KAZN: variants seen among roughly 807,000 people sequenced by gnomAD.
KAZN encodes kazrin.
Under a neutral mutation model 87.4 loss-of-function variants are expected in KAZN, and 40 were observed. The ratio of observed to expected loss-of-function variants is 0.46; its 90% confidence interval spans 0.36 to 0.60. The LOEUF is 0.60. Among genes scored for constraint, KAZN ranks in the 20% least tolerant of loss-of-function variants. The pLI is 0.00. For missense variants in KAZN, 898 were observed against 1,073.9 expected, an observed-to-expected ratio of 0.84 and a Z score of 2.29; for synonymous variants, 466 against 458.3, an observed-to-expected ratio of 1.02 and a Z score of -0.22.
chr1:14,672,957 T>G (rs1235484424), intron 1 of KAZN, among the ~76,000 whole-genome samples: 1 of 152,224 alleles, frequency 6.6e-6, no homozygotes, highest in Non-Finnish European at 1.5e-5. Flanking sequence ...GCCTGATCGT[T>G]GGATCCCAGG....
At position 14,742,505 on chromosome 1, in the gene KAZN, G is replaced by GA. The variant is rs565002342; in HGVS notation, c.226+143291dup. ...TGAATGAATGAAGGAATGAGCGAAT[G>GA]AAAAAAAAACCAATGAGTCAGTTCA... On this transcript the variant is annotated intron_variant, in intron 1 of 14. Transcript: ENST00000376030. Among the ~76,000 whole-genome samples the GA allele has an allele frequency of 1.1e-3, 168 of 150,756 alleles. 1 individual carries two copies. Among genetic ancestry groups the GA allele is most frequent in the Admixed American group, 4.1e-3 (63 of 15,182 alleles).
chr1:15,032,315 C>T (rs999715413), intron 2 of KAZN, among the ~76,000 whole-genome samples: 1 of 151,380 alleles, frequency 6.6e-6, no homozygotes, highest in Non-Finnish European at 1.5e-5. Context: ...GCCTCAGCCT[C>T]CCGAGTAGCT....
At position 15,096,026 on chromosome 1, in the gene KAZN, C is replaced by T. The variant is rs891095236; in HGVS notation, c.1547+1093C>T. Among the ~76,000 whole-genome samples, 9 of 152,140 alleles carry T rather than the reference C, an allele frequency of 5.9e-5. No homozygotes were observed. The highest frequency in any genetic ancestry group is 5.9e-4 in the Admixed American group (9 of 15,278). On this transcript the variant is annotated intron_variant, in intron 10 of 14. Coordinates refer to ENST00000376030, the MANE Select transcript of KAZN (RefSeq NM_201628.3). This position sits in a 1 kb window ranked among gnomAD's most constrained non-coding sequence, Gnocchi z 4.5. ...GGGATGGGGAGGAGGGCCATGAGGG[C>T]AACCCCTGCTGGGCTTTCCTTCCTG... is the stretch of plus-strand genomic sequence containing the variant.
chr1:14,031,403 G>A (rs1204534291), intron 1 of KAZN, among the ~76,000 whole-genome samples: 2 of 152,238 alleles, frequency 1.3e-5, no homozygotes, highest in African/African-American at 4.8e-5. Flanking sequence ...AAGGATGCTT[G>A]CTGAAGATGT....
intron 1 of KAZN, among the ~76,000 whole-genome samples, chr1:14,789,456 A>C (rs1337620791): frequency 1.3e-5 from 2 of 152,142 alleles, no homozygotes; most frequent in African/African-American, 2.4e-5. Context: ...TGTATGTTCC[A>C]GTGGCTGAAC....
At chr1:14,913,430 T>C (rs554865460) in intron 1 of KAZN, among the ~76,000 whole-genome samples, 1 of 152,350 alleles carries the variant, frequency 6.6e-6, no homozygotes, top group South Asian at 2.1e-4. Flanking sequence ...TCAACAAATC[T>C]GCCTCCCGAA....
At chr1:14,426,404 T>C (rs1294642054) in intron 2 of KAZN, among the ~76,000 whole-genome samples, 2 of 152,196 alleles carry the variant, frequency 1.3e-5, no homozygotes, top group Non-Finnish European at 1.5e-5. Flanking sequence ...CCCCGTTAGA[T>C]TGTACACTTC....
intron 2 of KAZN, among the ~76,000 whole-genome samples, chr1:14,547,043 T>C (rs1673195596): frequency 6.6e-6 from 1 of 152,218 alleles, no homozygotes; most frequent in African/African-American, 2.4e-5. Context: ...ATCAACTCTA[T>C]GGCTCCCAGT....
At chr1:14,681,655 A>G (rs868776275) in intron 1 of KAZN, among the ~76,000 whole-genome samples, 125 of 8,674 alleles carry the variant, frequency 0.014, no homozygotes, top group African/African-American at 0.04. Flanking sequence ...ATATATATAT[A>G]TATTTTTTTT....
chr1:14,442,351 G>A (rs1433848654), intron 2 of KAZN, among the ~76,000 whole-genome samples: 1 of 152,218 alleles, frequency 6.6e-6, no homozygotes, highest in Non-Finnish European at 1.5e-5. Flanking sequence ...CAAGGCTTGT[G>A]CTTTAAAATT....
intron 2 of KAZN, among the ~76,000 whole-genome samples, chr1:14,311,576 G>T (rs1443045934): frequency 6.6e-6 from 1 of 152,156 alleles, no homozygotes; most frequent in African/African-American, 2.4e-5. Flanking sequence ...TGTCAACAGG[G>T]CTTTCTCTCC....
At chr1:14,253,464 G>T (rs1018926430) in intron 2 of KAZN, among the ~76,000 whole-genome samples, 2 of 152,072 alleles carry the variant, frequency 1.3e-5, no homozygotes, top group Non-Finnish European at 2.9e-5. Flanking sequence ...GCTACTAATG[G>T]GTTAATATAT....
At chr1:15,004,587 C>G (rs1668815560) in intron 2 of KAZN, among the ~76,000 whole-genome samples, 1 of 152,158 alleles carries the variant, frequency 6.6e-6, no homozygotes, top group Admixed American at 6.5e-5. Context: ...GGCACAGGGC[C>G]AGGCATGTAG....
chr1:14,858,196 C>CTTTTT (rs1241331793), intron 1 of KAZN, among the ~76,000 whole-genome samples: 1 of 115,264 alleles, frequency 8.7e-6, no homozygotes, highest in African/African-American at 3.9e-5. Flanking sequence ...TTCTTTTTTT[C>CTTTTT]TTTTTTCTTT....
intron 1 of KAZN, among the ~76,000 whole-genome samples, chr1:14,801,548 C>T (rs1646022391): frequency 6.6e-6 from 1 of 152,150 alleles, no homozygotes; most frequent in Non-Finnish European, 1.5e-5. Flanking sequence ...AGAGGCCTCC[C>T]CAGATAGTGG....
chr1:14,367,491 T>C (rs1349954482), intron 2 of KAZN, among the ~76,000 whole-genome samples: 2 of 152,070 alleles, frequency 1.3e-5, no homozygotes, highest in Non-Finnish European at 2.9e-5. Flanking sequence ...ATGGGTGGTT[T>C]TGGAAAAGGC....
chr1:14,185,072 C>T (rs1646275508), intron 2 of KAZN, among the ~76,000 whole-genome samples: 2 of 152,114 alleles, frequency 1.3e-5, no homozygotes. Flanking sequence ...AATGTCTTGC[C>T]CTCACTTTAT....
chr1:14,036,235 G>A (rs989990106), intron 1 of KAZN, among the ~76,000 whole-genome samples: 15 of 152,320 alleles, frequency 9.8e-5, no homozygotes, highest in African/African-American at 3.6e-4. Flanking sequence ...AAGACATGTG[G>A]GGACTTCAGC....
intron 2 of KAZN, among the ~76,000 whole-genome samples, chr1:14,463,442 C>T (rs558152528): frequency 1.3e-5 from 2 of 152,162 alleles, no homozygotes; most frequent in African/African-American, 2.4e-5. Flanking sequence ...GTTTCCTCAA[C>T]CAGCCCAGGT....
Sources: allele counts gnomAD v4.1 joint callset (sites outside exome capture counted in the v4.1 genomes callset), GRCh38; gene constraint gnomAD v4.1.1; non-coding constraint Gnocchi (gnomAD v3.1); transcripts MANE v1.5; gene names NCBI Gene and HGNC (gene_info 2026-07-23, HGNC 2026-07-21).